LATS1: variants seen among roughly 807,000 people sequenced by gnomAD.
LATS1 encodes the protein serine/threonine-protein kinase LATS1.
LATS1 carries 25 observed loss-of-function variants against 106.6 expected under a neutral mutation model. The ratio of observed to expected loss-of-function variants is 0.23; its 90% CI spans 0.17 to 0.33. LATS1 has a LOEUF of 0.33. Ranked by LOEUF, LATS1 falls within the 10% of genes least tolerant of loss-of-function variation. The probability of loss-of-function intolerance (pLI) is 1.00; values close to 1 mark genes in which losing one functional copy is unlikely to be tolerated. For missense variants in LATS1, 1,040 were observed against 1,382.6 expected, an observed-to-expected ratio of 0.75 and a Z score of 3.93; for synonymous variants, 465 against 455.6, an observed-to-expected ratio of 1.02 and a Z score of -0.26.
intron 6 of LATS1, 44 bp downstream of exon 6, chr6:149,676,511 G>T (rs763442079): frequency 9.6e-6 from 15 of 1,567,688 alleles, no homozygotes; most frequent in Non-Finnish European, 1.2e-5. Flanking sequence ...CGTTTTGGCT[G>T]GTCTAAAGGT....
intron 3 of LATS1, among the ~76,000 whole-genome samples, chr6:149,685,024 C>G (rs1190790531): frequency 1.3e-5 from 2 of 151,984 alleles, no homozygotes; most frequent in African/African-American, 4.8e-5. Flanking sequence ...TCACTTGAGG[C>G]CAGGAGTTCG....
intron 2 of LATS1, among the ~76,000 whole-genome samples, chr6:149,698,196 G>A (rs942609989): frequency 5.3e-5 from 8 of 151,238 alleles, no homozygotes; most frequent in African/African-American, 1.9e-4. Flanking sequence ...GTTAGTGCCA[G>A]TGTGAAAAAG....
At chr6:149,696,584 A>AG (rs1255714311) in intron 2 of LATS1, among the ~76,000 whole-genome samples, 1 of 151,092 alleles carries the variant, frequency 6.6e-6, no homozygotes, top group African/African-American at 2.4e-5. Flanking sequence ...AAAAAAAAAA[A>AG]AAGAACTACT....
chr6:149,710,170 C>T (rs1438500581), intron 1 of LATS1, among the ~76,000 whole-genome samples: 1 of 152,098 alleles, frequency 6.6e-6, no homozygotes, highest in Non-Finnish European at 1.5e-5. Context: ...CTTATGTCTC[C>T]CTAAAATGTA....
Position 149,680,055 on chromosome 6 carries a change from C to T in LATS1, c.2413G>A (p.Ala805Thr), listed in dbSNP as rs768468559. Reference sequence around the variant, plus strand: ...GTAAGTTCTGCTATGTAGAATCGTGCCAGACTTTCTGGAAAGATGCCCATT... The same window carrying T: ...GTAAGTTCTGCTATGTAGAATCGTGTCAGACTTTCTGGAAAGATGCCCATT... ...IRMGIFPESL[A>T]RFYIAELTCA... The change falls in exon 5 of 8, where the codon GCA becomes ACA. Residue 805 changes from alanine to threonine, a missense_variant. Ala to Thr is a moderately conservative substitution (Grantham distance 58, BLOSUM62 0). Transcript: ENST00000543571. 3.1e-6 allele frequency: 5 copies of T among 1,613,804 alleles called. No individual in the cohort carries two copies. Among genetic ancestry groups the T allele is most frequent in the Non-Finnish European group, 4.2e-6 (5 of 1,179,902 alleles).
chr6:149,687,103 T>A (rs557638156), intron 3 of LATS1, among the ~76,000 whole-genome samples: 169 of 151,946 alleles, frequency 1.1e-3, no homozygotes, highest in African/African-American at 3.3e-3. Flanking sequence ...TTATTTTTTT[T>A]TTTTTGAGAC....
chr6:149,663,179 CA>C (rs780483600), intron 7 of LATS1, among the ~76,000 whole-genome samples: 5 of 151,992 alleles, frequency 3.3e-5, no homozygotes, highest in Non-Finnish European at 5.9e-5. Context: ...GTCATTTAAC[CA>C]AGTTTAGATA....
chr6:149,684,598 GT>G lies in LATS1; in HGVS notation c.497-7del. On this transcript the variant is annotated splice_polypyrimidine_tract_variant and splice_region_variant and intron_variant, in intron 3 of 7. Transcript: ENST00000543571. ...AACTGATTGCTGCACATTCCCTATG[GT>G]TATAAGAGAGATAAAGAGAAAAAAG... is the stretch of plus-strand genomic sequence containing the variant. 1 of 1,530,600 alleles carries G rather than the reference GT, an allele frequency of 6.5e-7. No individual in the cohort carries two copies. Among genetic ancestry groups the G allele is most frequent in the Non-Finnish European group, 8.8e-7 (1 of 1,137,266 alleles). The allele number at this position is 1,530,600 out of a possible 1,614,324, so 94.8% of individuals were successfully genotyped here.
chr6:149,702,721 G>C (rs1464130263), intron 1 of LATS1, among the ~76,000 whole-genome samples: 1 of 151,904 alleles, frequency 6.6e-6, no homozygotes, highest in Non-Finnish European at 1.5e-5. Flanking sequence ...ACCCAGACTG[G>C]AGTGCAGTGG....
Position 149,701,799 on chromosome 6 carries a change from G to GC in LATS1, c.327dup (p.Gln110AlafsTer6). 6.2e-7 allele frequency: 1 copy of GC among 1,611,604 alleles called. No individual in the cohort carries two copies. Among genetic ancestry groups the GC allele is most frequent in the Non-Finnish European group, 8.5e-7 (1 of 1,178,284 alleles). The stretch of plus-strand genomic sequence containing the variant: ...CTTACCTCATCAAATCCAGCAGCTT[G>GC]CAAGTCTTGAAGCATTTGTGGATTA... On this transcript the variant is annotated frameshift_variant, in exon 2 of 8. Coordinates refer to ENST00000543571, the MANE Select transcript of LATS1 (RefSeq NM_004690.4). LOFTEE classifies it high-confidence loss of function.
chr6:149,685,627 C>T (rs1408379184), intron 3 of LATS1, among the ~76,000 whole-genome samples: 1 of 152,184 alleles, frequency 6.6e-6, no homozygotes, highest in African/African-American at 2.4e-5. Context: ...CTCAAGTGAT[C>T]TGCCCTCCTA....
intron 3 of LATS1, among the ~76,000 whole-genome samples, chr6:149,688,122 G>C (rs9505967): frequency 0.41 from 60,897 of 150,030 alleles, 13,123 homozygotes; most frequent in East Asian, 0.82. Context: ...TGATCTGCCC[G>C]TCTTGGCCTC....
At position 149,658,196 on chromosome 6, in the gene LATS1, C is replaced by T. The variant is rs1780769222; in HGVS notation, c.*3533G>A. On this transcript the variant is annotated 3_prime_UTR_variant, in exon 8 of 8. Coordinates refer to ENST00000543571, the MANE Select transcript of LATS1 (RefSeq NM_004690.4). ...TTTTATTATCCCAGCAAACATTACA[C>T]TAGAGAAAATGATTGGGAAAATACA... The T allele has an allele frequency of 6.6e-6, 1 of 152,028 alleles. No individual in the cohort carries two copies. Among genetic ancestry groups the T allele is most frequent in the South Asian group, 2.1e-4 (1 of 4,820 alleles). 9.4% of individuals were successfully genotyped at this position (152,028 alleles called of 1,614,324 possible).
At chr6:149,689,105 T>C (rs1187301284) in intron 3 of LATS1, among the ~76,000 whole-genome samples, 1 of 151,582 alleles carries the variant, frequency 6.6e-6, no homozygotes, top group Non-Finnish European at 1.5e-5. Flanking sequence ...GGGGCGGAGG[T>C]TGCAGTGAGC....
intron 7 of LATS1, among the ~76,000 whole-genome samples, chr6:149,672,944 C>CA (rs1332276529): frequency 2.0e-5 from 3 of 150,712 alleles, no homozygotes; most frequent in East Asian, 1.9e-4. Flanking sequence ...AACTCTGTTT[C>CA]AAAAAAAACA....
chr6:149,712,147 A>G (rs1209393121), intron 1 of LATS1, among the ~76,000 whole-genome samples: 3 of 152,216 alleles, frequency 2.0e-5, no homozygotes, highest in Non-Finnish European at 4.4e-5. Flanking sequence ...GCAAAAGAAT[A>G]ACATAATACC....
At chr6:149,701,699 T>C in intron 2 of LATS1, 80 bp downstream of exon 2, 5 of 983,314 alleles carry the variant, frequency 5.1e-6, no homozygotes, top group Non-Finnish European at 7.6e-6. Context: ...AAAGGAAACA[T>C]TTTGGCATGT....
chr6:149,684,379 G>A lies in LATS1; in HGVS notation c.710C>T (p.Pro237Leu). 6.2e-7 allele frequency: 1 copy of A among 1,613,882 alleles called. No homozygotes were observed. Among genetic ancestry groups the A allele is most frequent in the Non-Finnish European group, 8.5e-7 (1 of 1,179,904 alleles). Residue 237 changes from proline (P) to leucine (L), a missense_variant, in exon 4 of 8, where the codon CCA (proline) becomes CTA (leucine). Physicochemically the swap from Pro to Leu is moderately conservative, Grantham distance 98. Around this residue, in one of 7 missense-constraint regions of LATS1, gnomAD observed 624 missense variants for 714.8 expected, o/e 0.87. Transcript: ENST00000543571. ...HPSNGQRVNP[P>L]PPPQVRSVTP... ...AACACTCCTTACTTGAGGTGGTGGT[G>A]GGGGGTTCACTCTCTGTCCGTTGCT...
rs553937230 is a variant in LATS1 at position 149,661,843 on chromosome 6, A to G, written c.3279T>C (p.Tyr1093=). 24 of 1,614,012 alleles carry G rather than the reference A, an allele frequency of 1.5e-5. No individual in the cohort carries two copies. The highest frequency in any genetic ancestry group is 1.9e-5 in the Non-Finnish European group (22 of 1,179,950). The stretch of plus-strand genomic sequence containing the variant: ...TGTATTCATATTCAATAGGCTTCGG[A>G]TAATTATATGGGTAGCCATTGTCAT... ...FFDDNGYPYN[Y]PKPIEYEYIN... The change falls in exon 8 of 8, where the codon TAT becomes TAC. Residue 1093 remains tyrosine, a synonymous_variant. Coordinates refer to ENST00000543571, the MANE Select transcript of LATS1 (RefSeq NM_004690.4).
Sources: gnomAD v4.1 joint callset for allele counts (sites outside exome capture counted in the v4.1 genomes callset) on GRCh38, gnomAD v4.1.1 for gene constraint, gnomAD v4.1.1 regional missense constraint, MANE v1.5 for transcripts, NCBI Gene and HGNC (gene_info 2026-07-23, HGNC 2026-07-21) for gene names.